The following KIAA1549 variants were observed in gnomAD, a reference collection of about 807,000 sequenced individuals.
KIAA1549 encodes the protein KIAA1549.
Under a neutral mutation model 156.4 loss-of-function variants are expected in KIAA1549, and 70 were observed. The ratio of observed to expected loss-of-function variants is 0.45; its 90% CI spans 0.37 to 0.55. The LOEUF (loss-of-function observed/expected upper bound fraction) is 0.55. Among genes scored for constraint, KIAA1549 ranks in the 20% least tolerant of loss-of-function variants. The pLI is 0.00. For missense variants in KIAA1549, 2,428 were observed against 2,540.9 expected, an observed-to-expected ratio of 0.96 and a Z score of 0.96; for synonymous variants, 1,103 against 1,066.4, an observed-to-expected ratio of 1.03 and a Z score of -0.67.
chr7:138,903,505 G>A, intron 8 of KIAA1549, 83 bp downstream of exon 8: 2 of 1,350,322 alleles, frequency 1.5e-6, no homozygotes, highest in Non-Finnish European at 1.0e-6. Flanking sequence ...AAAAATACAG[G>A]GTTTTAGATG....
chr7:138,873,104 A>T (rs1810984950), intron 12 of KIAA1549, among the ~76,000 whole-genome samples: 1 of 152,258 alleles, frequency 6.6e-6, no homozygotes, highest in African/African-American at 2.4e-5. Context: ...TGTAAAAAAC[A>T]TAGATGAGCA....
intron 1 of KIAA1549, among the ~76,000 whole-genome samples, chr7:138,951,143 G>A (rs1584779448): frequency 6.6e-6 from 1 of 152,012 alleles, no homozygotes; most frequent in East Asian, 1.9e-4. Context: ...TCGGCTCACT[G>A]CAACCTCCGC....
At chr7:138,892,836 A>T (rs905930643) in intron 10 of KIAA1549, among the ~76,000 whole-genome samples, 3 of 152,254 alleles carry the variant, frequency 2.0e-5, no homozygotes, top group African/African-American at 7.2e-5. Flanking sequence ...TAAAGTTTAA[A>T]AATAAATAGG....
intron 1 of KIAA1549, among the ~76,000 whole-genome samples, chr7:138,937,575 T>C (rs938907313): frequency 6.6e-6 from 1 of 152,154 alleles, no homozygotes; most frequent in Admixed American, 6.5e-5. Context: ...GATGCTGTGA[T>C]GGACAGCAAG....
intron 14 of KIAA1549, 133 bp from the exon 15 acceptor site, chr7:138,868,261 T>C (rs1810813389): frequency 1.2e-6 from 1 of 820,190 alleles, no homozygotes; most frequent in African/African-American, 1.7e-5. Context: ...ATAAACGCCA[T>C]GTACGAGACA....
chr7:138,929,845 T>C (rs1812822563), intron 1 of KIAA1549, among the ~76,000 whole-genome samples: 1 of 152,172 alleles, frequency 6.6e-6, no homozygotes, highest in African/African-American at 2.4e-5. Context: ...CATGTGCCAC[T>C]ATGCCCAGCT....
At chr7:138,851,414 G>A (rs945582543) in intron 17 of KIAA1549, among the ~76,000 whole-genome samples, 8 of 152,022 alleles carry the variant, frequency 5.3e-5, no homozygotes, top group Admixed American at 5.2e-4. Flanking sequence ...CCTGGACAAT[G>A]GACCTTATCT....
Position 138,905,096 on chromosome 7 carries a change from G to A in KIAA1549, c.3461-15C>T, listed in dbSNP as rs117618554. Reference sequence around the variant, plus strand: ...ATACTGGAAGGCTACAAAAGGGAAAGAATTAGGGAAGGAGAAAAATATCTG... The same window carrying A: ...ATACTGGAAGGCTACAAAAGGGAAAAAATTAGGGAAGGAGAAAAATATCTG... On this transcript the variant is annotated splice_polypyrimidine_tract_variant and intron_variant, in intron 6 of 19. Coordinates refer to ENST00000422774, the MANE Select transcript of KIAA1549 (RefSeq NM_001164665.2). 0.03 allele frequency: 46,330 copies of A among 1,543,104 alleles called. 850 individuals are homozygous for A. The highest frequency in any genetic ancestry group is 0.036 in the Non-Finnish European group (40,905 of 1,134,828).
chr7:138,951,618 T>A (rs2774971), intron 1 of KIAA1549, among the ~76,000 whole-genome samples: 1 of 151,970 alleles, frequency 6.6e-6, no homozygotes, highest in Admixed American at 6.6e-5. Flanking sequence ...GCTTTCCCCA[T>A]AAAACTAGTG....
chr7:138,965,138 G>A (rs759428104), intron 1 of KIAA1549, among the ~76,000 whole-genome samples: 5 of 151,938 alleles, frequency 3.3e-5, no homozygotes, highest in Non-Finnish European at 5.9e-5. Context: ...TTTTTACATC[G>A]GGGTTAGGGA....
chr7:138,853,117 G>GAT (rs1584703970), intron 16 of KIAA1549, among the ~76,000 whole-genome samples: 1 of 152,308 alleles, frequency 6.6e-6, no homozygotes, highest in East Asian at 1.9e-4. Flanking sequence ...TTTGGAATTA[G>GAT]ATATTTCAGA....
chr7:138,847,467 G>A (rs1485497311), intron 17 of KIAA1549, among the ~76,000 whole-genome samples: 3 of 152,206 alleles, frequency 2.0e-5, no homozygotes, highest in Admixed American at 6.5e-5. Flanking sequence ...TAAGTAGGAA[G>A]CAGATAACAT....
chr7:138,852,360 C>A, intron 16 of KIAA1549, 91 bp from the exon 17 acceptor site: 1 of 824,676 alleles, frequency 1.2e-6, no homozygotes, highest in South Asian at 1.9e-5. Flanking sequence ...TTTACAGGAT[C>A]AACTTTCAAG....
intron 1 of KIAA1549, among the ~76,000 whole-genome samples, chr7:138,948,423 A>G (rs1215548476): frequency 1.3e-5 from 2 of 152,160 alleles, no homozygotes; most frequent in African/African-American, 4.8e-5. Context: ...AAGAGGCAGG[A>G]AAGAATCCTT....
chr7:138,947,750 A>G (rs1028203395), intron 1 of KIAA1549, among the ~76,000 whole-genome samples: 2 of 151,762 alleles, frequency 1.3e-5, no homozygotes, highest in Non-Finnish European at 2.9e-5. Flanking sequence ...GAATCTCAAT[A>G]TTCAGGGGCC....
At chr7:138,951,991 C>T (rs1813513904) in intron 1 of KIAA1549, among the ~76,000 whole-genome samples, 1 of 152,182 alleles carries the variant, frequency 6.6e-6, no homozygotes, top group Admixed American at 6.5e-5. Flanking sequence ...TCCATGAATG[C>T]TGGGTTAACC....
At chr7:138,849,979 G>A (rs572918162) in intron 17 of KIAA1549, among the ~76,000 whole-genome samples, 1 of 152,142 alleles carries the variant, frequency 6.6e-6, no homozygotes, top group Admixed American at 6.5e-5. Context: ...GGGCATTTAG[G>A]TTGATTCCAT....
chr7:138,936,157 T>C (rs1414668069), intron 1 of KIAA1549, among the ~76,000 whole-genome samples: 1 of 152,176 alleles, frequency 6.6e-6, no homozygotes, highest in Non-Finnish European at 1.5e-5. Flanking sequence ...AGAAGTTCCA[T>C]GTCAGAGAGA....
At position 138,888,279 on chromosome 7, in the gene KIAA1549, C is replaced by T. The variant is rs1041276470; in HGVS notation, c.4032+6063G>A. Among the ~76,000 whole-genome samples the T allele has an allele frequency of 2.0e-5, 3 of 152,344 alleles. No homozygotes were observed. The Middle Eastern group carries it at 0.01, about 518-fold the overall frequency. On this transcript the variant is annotated intron_variant, in intron 10 of 19. Transcript: ENST00000422774. ...TACTTCCGAAAGATCAAAATTACAA[C>T]TTCAAAAGAACAAATAAGGGAGAGC...
Sources: allele counts gnomAD v4.1 joint callset (sites outside exome capture counted in the v4.1 genomes callset), GRCh38; gene constraint gnomAD v4.1.1; transcripts MANE v1.5; gene names NCBI Gene and HGNC (gene_info 2026-07-23, HGNC 2026-07-21).